ANXA10: variants seen among roughly 807,000 people sequenced by gnomAD.
ANXA10 encodes annexin 14.
Under a neutral mutation model 53.5 loss-of-function variants are expected in ANXA10, and 49 were observed. The observed-to-expected ratio is 0.92, with a 90% CI of 0.73 to 1.16. The LOEUF is 1.16. Among genes scored for constraint, ANXA10 ranks in the 50% most tolerant of loss-of-function variants. The pLI is 0.00. For synonymous variants in ANXA10, 131 were observed against 128.9 expected (o/e 1.02, Z -0.11); for missense variants, 393 against 394.4 (o/e 1.00, Z 0.03).
Position 168,187,493 on chromosome 4 carries a change from T to C in ANXA10, c.*59T>C. 1 of 1,181,282 alleles carries C rather than the reference T, an allele frequency of 8.5e-7. No homozygotes were observed. Among genetic ancestry groups the C allele is most frequent in the Non-Finnish European group, 1.2e-6 (1 of 844,592 alleles). 73.2% of individuals were successfully genotyped at this position (1,181,282 alleles called of 1,614,324 possible). A position where few individuals can be genotyped will look rare whatever the true frequency, so the allele number is the denominator to read the frequency against. Reference sequence around the variant, plus strand: ...TTTCTAGACACTTCCAAATAGAGATTTTCTCACAAATTTGTACTGTTCATG... The same window carrying C: ...TTTCTAGACACTTCCAAATAGAGATCTTCTCACAAATTTGTACTGTTCATG... On this transcript the variant is annotated 3_prime_UTR_variant, in exon 12 of 12. Transcript: ENST00000359299.
At chr4:168,096,165 G>T (rs1023894114) in intron 1 of ANXA10, among the ~76,000 whole-genome samples, 2 of 152,156 alleles carry the variant, frequency 1.3e-5, no homozygotes, top group Non-Finnish European at 2.9e-5. Context: ...GGGAGGAGAG[G>T]CTGTTGATAA....
intron 1 of ANXA10, among the ~76,000 whole-genome samples, chr4:168,109,342 C>T (rs980497251): frequency 2.0e-5 from 3 of 152,106 alleles, no homozygotes; most frequent in African/African-American, 4.8e-5. Context: ...TTTTAGTCTC[C>T]TAGGCATATG....
At chr4:168,163,737 T>G (rs1383217380) in intron 4 of ANXA10, among the ~76,000 whole-genome samples, 1 of 152,100 alleles carries the variant, frequency 6.6e-6, no homozygotes. Context: ...CATCCAAATA[T>G]TTATGCAAAT....
At chr4:168,114,817 C>T (rs7653928) in intron 1 of ANXA10, among the ~76,000 whole-genome samples, 99,494 of 152,108 alleles carry the variant, frequency 0.65, 33,186 homozygotes, top group African/African-American at 0.77. Flanking sequence ...GCCGAAGACA[C>T]GATCTCATTT....
intron 2 of ANXA10, among the ~76,000 whole-genome samples, chr4:168,132,115 T>G (rs903571841): frequency 6.6e-6 from 1 of 152,008 alleles, no homozygotes; most frequent in Non-Finnish European, 1.5e-5. Flanking sequence ...ATCCAGAAAA[T>G]CCACTGCTGG....
At chr4:168,155,382 T>C (rs1298625425) in intron 3 of ANXA10, among the ~76,000 whole-genome samples, 1 of 74,004 alleles carries the variant, frequency 1.4e-5, no homozygotes, top group African/African-American at 6.2e-5. Flanking sequence ...TATATTATAT[T>C]GAATGTATTA....
In ANXA10 at chr4:168,163,166, A is replaced by G. The variant is rs143207981; in HGVS notation, c.309+525A>G. ...CAAATGTATAAAAATCTTAATTTGGAAGAATTAGAATCAGTGTTTCTTACA... is the reference window on the plus strand; with the variant it reads ...CAAATGTATAAAAATCTTAATTTGGGAGAATTAGAATCAGTGTTTCTTACA... On this transcript the variant is annotated intron_variant, in intron 4 of 11. Coordinates refer to ENST00000359299, the MANE Select transcript of ANXA10 (RefSeq NM_007193.5). 2.5e-3 allele frequency among the ~76,000 whole-genome samples: 376 copies of G among 152,146 alleles called. 1 individual carries two copies. The highest frequency in any genetic ancestry group is 8.1e-3 in the African/African-American group (336 of 41,512).
chr4:168,135,274 T>C lies in ANXA10; in HGVS notation c.101-4212T>C, dbSNP rs191236240. On this transcript the variant is annotated intron_variant, in intron 2 of 11. Transcript: ENST00000359299. ...GGCACTTAACAAAGTCAGGTTCCTGTCCTCACACAGACACTGGGAAATAGG... is the reference window on the plus strand; with the variant it reads ...GGCACTTAACAAAGTCAGGTTCCTGCCCTCACACAGACACTGGGAAATAGG... Among the ~76,000 whole-genome samples the C allele has an allele frequency of 2.6e-5, 4 of 152,318 alleles. No individual in the cohort carries two copies. In the East Asian group the frequency reaches 7.7e-4, roughly 29 times the overall value.
At chr4:168,162,461 G>T (rs959548297) in intron 3 of ANXA10, 67 bp from the exon 4 acceptor site, 1 of 1,079,282 alleles carries the variant, frequency 9.3e-7, no homozygotes, top group African/African-American at 1.6e-5. Context: ...AAGACTTTCT[G>T]CAATTATCTC....
Position 168,159,516 on chromosome 4 carries a change from G to A in ANXA10, c.196-3012G>A, listed in dbSNP as rs185243163. ...TAGATTACATTAGTGATTCCACCTG[G>A]GTCTAGAGATAGGCGGGAGCATTAA... On this transcript the variant is annotated intron_variant, in intron 3 of 11. Transcript: ENST00000359299. Among the ~76,000 whole-genome samples the A allele has an allele frequency of 5.9e-5, 9 of 152,138 alleles. No homozygotes were observed. In the East Asian group the frequency reaches 1.5e-3, roughly 26 times the overall value.
intron 3 of ANXA10, among the ~76,000 whole-genome samples, chr4:168,156,076 A>G (rs1307600708): frequency 3.7e-4 from 26 of 70,530 alleles, no homozygotes; most frequent in African/African-American, 1.5e-3. Flanking sequence ...TATATTATAT[A>G]TATTATATAT....
chr4:168,116,420 CCT>C (rs2149467359), intron 1 of ANXA10, among the ~76,000 whole-genome samples: 1 of 152,158 alleles, frequency 6.6e-6, no homozygotes, highest in South Asian at 2.1e-4. Context: ...GTGCAGTATT[CCT>C]CTGAGCCAAT....
chr4:168,099,992 T>A (rs893110765), intron 1 of ANXA10, among the ~76,000 whole-genome samples: 14 of 152,104 alleles, frequency 9.2e-5, no homozygotes, highest in Admixed American at 9.2e-4. Context: ...AGTTCAGCTT[T>A]ATAATCTAGG....
chr4:168,098,802 A>T (rs1730594761), intron 1 of ANXA10, among the ~76,000 whole-genome samples: 1 of 152,126 alleles, frequency 6.6e-6, no homozygotes, highest in Non-Finnish European at 1.5e-5. Context: ...ACCAGAAAAA[A>T]AAAAAGACTA....
At chr4:168,174,448 C>A (rs537533848) in intron 6 of ANXA10, among the ~76,000 whole-genome samples, 1 of 152,326 alleles carries the variant, frequency 6.6e-6, no homozygotes, top group Non-Finnish European at 1.5e-5. Context: ...GGACCCCATG[C>A]TCACTCGCTC....
intron 3 of ANXA10, among the ~76,000 whole-genome samples, chr4:168,160,036 GTATATA>G (rs1360832875): frequency 6.6e-6 from 1 of 152,184 alleles, no homozygotes; most frequent in South Asian, 2.1e-4. Context: ...AATAAATTGA[GTATATA>G]TATATTTTTT....
chr4:168,154,108 T>C (rs1578919912), intron 3 of ANXA10, among the ~76,000 whole-genome samples: 2 of 151,946 alleles, frequency 1.3e-5, no homozygotes, highest in Non-Finnish European at 2.9e-5. Context: ...TACAAAAATA[T>C]CATATGTAAA....
intron 3 of ANXA10, among the ~76,000 whole-genome samples, chr4:168,143,228 T>C (rs2149472782): frequency 6.6e-6 from 1 of 152,346 alleles, no homozygotes; most frequent in South Asian, 2.1e-4. Flanking sequence ...TTCTTCCACC[T>C]GGCCAAGGTG....
In ANXA10 at chr4:168,165,160, C is replaced by A; in HGVS notation, c.401-87C>A. The A allele has an allele frequency of 4.9e-6, 4 of 822,918 alleles. No homozygotes were observed. In the South Asian group the frequency reaches 7.0e-5, roughly 14 times the overall value. 51.0% of individuals were successfully genotyped at this position (822,918 alleles called of 1,614,324 possible). ...CTACATTTCCTGGACTTTGTACTCACAACTGGGAAATAACATTAACTTACT... is the reference window on the plus strand; with the variant it reads ...CTACATTTCCTGGACTTTGTACTCAAAACTGGGAAATAACATTAACTTACT... On this transcript the variant is annotated intron_variant, in intron 5 of 11. Coordinates refer to ENST00000359299, the MANE Select transcript of ANXA10 (RefSeq NM_007193.5).
Sources: allele counts gnomAD v4.1 joint callset (sites outside exome capture counted in the v4.1 genomes callset), GRCh38; gene constraint gnomAD v4.1.1; transcripts MANE v1.5; gene names NCBI Gene and HGNC (gene_info 2026-07-23, HGNC 2026-07-21).